Variants in VAV3 observed in about 807,000 individuals in gnomAD.
The protein encoded by VAV3 is vav guanine nucleotide exchange factor 3.
In VAV3, 94 loss-of-function variants were observed where a neutral mutation model predicts 131.2. The ratio of observed to expected loss-of-function variants is 0.72; its 90% CI spans 0.61 to 0.85. The LOEUF (loss-of-function observed/expected upper bound fraction) is 0.85, where lower values mean the gene tolerates loss of function less well. Ranked by LOEUF, VAV3 falls within the 40% of genes least tolerant of loss-of-function variation. VAV3 has a pLI of 0.00. For synonymous variants in VAV3, 349 were observed against 342.0 expected (o/e 1.02, Z -0.22); for missense variants, 939 against 1,002.7 (o/e 0.94, Z 0.86).
chr1:107,775,150 G>C (rs1420433307), intron 4 of VAV3, among the ~76,000 whole-genome samples: 2 of 152,094 alleles, frequency 1.3e-5, no homozygotes, highest in African/African-American at 4.8e-5. Context: ...AGGAAACCAA[G>C]GTTTTCTCCA....
intron 1 of VAV3, among the ~76,000 whole-genome samples, chr1:107,906,582 C>T (rs1323856316): frequency 3.3e-5 from 5 of 152,090 alleles, no homozygotes; most frequent in Non-Finnish European, 7.4e-5. Context: ...GGGAGAATGG[C>T]GTGAACCCAA....
chr1:107,854,752 G>A (rs545692319), intron 2 of VAV3, among the ~76,000 whole-genome samples: 2 of 152,264 alleles, frequency 1.3e-5, no homozygotes, highest in South Asian at 2.1e-4. Flanking sequence ...CGAATATGAT[G>A]GGAGGGTCTC....
chr1:107,710,434 C>A (rs1398908264), intron 15 of VAV3, among the ~76,000 whole-genome samples: 1 of 152,092 alleles, frequency 6.6e-6, no homozygotes, highest in Non-Finnish European at 1.5e-5. Context: ...AAAATGTATT[C>A]ACACACATAG....
intron 1 of VAV3, among the ~76,000 whole-genome samples, chr1:107,941,727 T>C (rs919894236): frequency 6.6e-6 from 1 of 152,194 alleles, no homozygotes; most frequent in East Asian, 1.9e-4. Context: ...TCTTTAGAGC[T>C]ATCACTGTTG....
At chr1:107,835,964 T>C (rs1668460568) in intron 2 of VAV3, among the ~76,000 whole-genome samples, 1 of 152,164 alleles carries the variant, frequency 6.6e-6, no homozygotes, top group Non-Finnish European at 1.5e-5. Flanking sequence ...GGACATTCCT[T>C]AGGGCTAGGG....
chr1:107,572,589 T>C lies in VAV3; in HGVS notation c.*742A>G, dbSNP rs1005449693. ...ATATTTCCAAAATAATCCTATGAAA[T>C]CATGAAGGTTGTGAAGGTTTAATAT... On this transcript the variant is annotated 3_prime_UTR_variant, in exon 27 of 27. Transcript: ENST00000370056. The C allele has an allele frequency of 3.3e-5, 5 of 152,644 alleles. No individual in the cohort carries two copies. In the South Asian group the frequency reaches 1.0e-3, roughly 32 times the overall value. The allele number at this position is 152,644 out of a possible 1,614,324, so 9.5% of individuals were successfully genotyped here.
Position 107,793,176 on chromosome 1 carries a change from C to T in VAV3, c.322-13684G>A, listed in dbSNP as rs532005008. On this transcript the variant is annotated intron_variant, in intron 2 of 26. Transcript: ENST00000370056. Reference sequence around the variant, plus strand: ...GATATTATCCTCATTTTAGAGACGGCTAAACTGAAAAAGAGAAAAGAAACT... The same window carrying T: ...GATATTATCCTCATTTTAGAGACGGTTAAACTGAAAAAGAGAAAAGAAACT... Among the ~76,000 whole-genome samples, 4 of 152,206 alleles carry T rather than the reference C, an allele frequency of 2.6e-5. No homozygotes were observed. In the South Asian group the frequency reaches 8.3e-4, roughly 32 times the overall value.
At chr1:107,759,066 T>C (rs191440891) in intron 10 of VAV3, among the ~76,000 whole-genome samples, 5 of 152,312 alleles carry the variant, frequency 3.3e-5, no homozygotes, top group African/African-American at 1.2e-4. Context: ...TTAACTGTGC[T>C]GGTTCTGTAC....
At chr1:107,960,734 A>G (rs540438392) in intron 1 of VAV3, among the ~76,000 whole-genome samples, 1 of 152,038 alleles carries the variant, frequency 6.6e-6, no homozygotes, top group Admixed American at 6.5e-5. Context: ...TATTCCCTCC[A>G]CCAGGAATAT....
chr1:107,754,616 G>C (rs1392285889), intron 12 of VAV3, among the ~76,000 whole-genome samples: 1 of 152,144 alleles, frequency 6.6e-6, no homozygotes, highest in African/African-American at 2.4e-5. Flanking sequence ...TCCCACTGCA[G>C]TCACAATAAA....
chr1:107,901,970 G>A (rs1671879066), intron 1 of VAV3, among the ~76,000 whole-genome samples: 1 of 151,880 alleles, frequency 6.6e-6, no homozygotes, highest in Admixed American at 6.6e-5. Flanking sequence ...TTGAACCCAG[G>A]AGGCGGAGGT....
chr1:107,687,666 T>C (rs1659130155), intron 18 of VAV3, among the ~76,000 whole-genome samples: 2 of 152,204 alleles, frequency 1.3e-5, no homozygotes, highest in African/African-American at 4.8e-5. Flanking sequence ...TTTATAATTT[T>C]GGGGAACTCT....
chr1:107,578,978 C>A, intron 25 of VAV3: 1 of 894,614 alleles, frequency 1.1e-6, no homozygotes, highest in Non-Finnish European at 1.3e-6. Context: ...ATAAGATAAC[C>A]TATCTGTAAT....
Position 107,642,628 on chromosome 1 carries a change from C to G in VAV3, c.1905G>C (p.Leu635=). 1 of 1,612,840 alleles carries G rather than the reference C, an allele frequency of 6.2e-7. No homozygotes were observed. Among genetic ancestry groups the G allele is most frequent in the Non-Finnish European group, 8.5e-7 (1 of 1,179,400 alleles). The change falls in exon 20 of 27, where the codon CTG becomes CTC. Residue 635 remains leucine (L), a synonymous_variant. Coordinates refer to ENST00000370056, the MANE Select transcript of VAV3 (RefSeq NM_006113.5). ...VELLKGDAHS[L]FWQGRNLASG... ...CCTGCAACAACAGTACCTGCCAAAACAGACTGTGTGCATCTCCTTTCAGAA... is the reference window on the plus strand; with the variant it reads ...CCTGCAACAACAGTACCTGCCAAAAGAGACTGTGTGCATCTCCTTTCAGAA...
intron 11 of VAV3, 102 bp downstream of exon 11, chr1:107,757,159 G>GTATA: frequency 1.8e-6 from 1 of 547,284 alleles, no homozygotes; most frequent in Non-Finnish European, 3.1e-6. Context: ...GTATATGTGT[G>GTATA]TGTGTGTGTG....
intron 19 of VAV3, among the ~76,000 whole-genome samples, chr1:107,660,979 A>G (rs1299169943): frequency 6.6e-6 from 1 of 152,174 alleles, no homozygotes; most frequent in East Asian, 1.9e-4. Flanking sequence ...AGCAGTGTAT[A>G]CAAGATGACC....
At chr1:107,881,309 TG>T (rs1670767602) in intron 1 of VAV3, among the ~76,000 whole-genome samples, 1 of 152,146 alleles carries the variant, frequency 6.6e-6, no homozygotes, top group Non-Finnish European at 1.5e-5. Context: ...TGATTGACTG[TG>T]TGTGGGGACG....
chr1:107,625,492 C>T (rs1014666767), intron 20 of VAV3, among the ~76,000 whole-genome samples: 18 of 152,174 alleles, frequency 1.2e-4, no homozygotes, highest in African/African-American at 4.1e-4. Flanking sequence ...GTTTCAAACT[C>T]CTGACCTCAA....
chr1:107,935,606 T>A (rs2101230814), intron 1 of VAV3, among the ~76,000 whole-genome samples: 1 of 152,308 alleles, frequency 6.6e-6, no homozygotes, highest in East Asian at 1.9e-4. Flanking sequence ...TCATTGCAGT[T>A]ACAGAAATGA....
Sources: gnomAD v4.1 joint callset for allele counts (sites outside exome capture counted in the v4.1 genomes callset) on GRCh38, gnomAD v4.1.1 for gene constraint, MANE v1.5 for transcripts, NCBI Gene and HGNC (gene_info 2026-07-23, HGNC 2026-07-21) for gene names.